Variants in TXNRD1 observed in about 807,000 individuals in gnomAD.
TXNRD1 encodes the protein thioredoxin reductase 1, also known as thioredoxin reductase 1, cytoplasmic.
Under a neutral mutation model 80.3 loss-of-function variants are expected in TXNRD1, and 57 were observed. The observed-to-expected ratio is 0.71, with a 90% CI of 0.57 to 0.89. TXNRD1 has a LOEUF of 0.89. TXNRD1 is among the 40% of genes least tolerant of loss of function. The pLI is 0.00. For missense variants in TXNRD1, 730 were observed against 803.0 expected, an observed-to-expected ratio of 0.91 and a Z score of 1.10; for synonymous variants, 291 against 285.2, an observed-to-expected ratio of 1.02 and a Z score of -0.20.
chr12:104,299,753 A>T (rs2034558240), intron 4 of TXNRD1, among the ~76,000 whole-genome samples: 1 of 147,378 alleles, frequency 6.8e-6, no homozygotes, highest in African/African-American at 2.5e-5. Flanking sequence ...GGTGACAAGA[A>T]CAAGACTCCG....
intron 4 of TXNRD1, chr12:104,291,156 A>G: frequency 1.9e-6 from 1 of 532,102 alleles, no homozygotes; most frequent in Non-Finnish European, 3.3e-6. Context: ...AAAAGAAATC[A>G]TTTAGCATAT....
chr12:104,325,002 G>C (rs1451160876), intron 10 of TXNRD1, among the ~76,000 whole-genome samples: 1 of 152,168 alleles, frequency 6.6e-6, no homozygotes, highest in Non-Finnish European at 1.5e-5. Context: ...TGAATCACAA[G>C]ATAGAAACCT....
rs374704539 is a variant in TXNRD1, at chr12:104,326,380, A to C, written c.1342A>C (p.Arg448=). ...MLAIGRDACT[R]KIGLETVGVK... is the part of the protein sequence containing the mutation. ...GGCAATAGGAAGAGATGCTTGCACAAGAAAAATTGGCTTAGAAACCGTAGG... is the reference window on the plus strand; with the variant it reads ...GGCAATAGGAAGAGATGCTTGCACACGAAAAATTGGCTTAGAAACCGTAGG... Residue 448 remains arginine, a synonymous_variant, in exon 12 of 17, where the codon AGA becomes CGA. Transcript: ENST00000525566. The C allele has an allele frequency of 3.8e-6, 6 of 1,596,508 alleles. No homozygotes were observed. Among genetic ancestry groups the C allele is most frequent in the Non-Finnish European group, 5.1e-6 (6 of 1,172,870 alleles).
chr12:104,322,606 C>T (rs1384033193), intron 10 of TXNRD1, among the ~76,000 whole-genome samples: 1 of 151,994 alleles, frequency 6.6e-6, no homozygotes, highest in African/African-American at 2.4e-5. Context: ...TCTTGAACTC[C>T]TGACCTCAAG....
chr12:104,228,458 C>A (rs1012388350), intron 1 of TXNRD1, among the ~76,000 whole-genome samples: 1 of 151,716 alleles, frequency 6.6e-6, no homozygotes, highest in Non-Finnish European at 1.5e-5. Flanking sequence ...ATGGAGAAAC[C>A]CCGTCTCTAC....
At chr12:104,238,641 G>A (rs765175343) in intron 1 of TXNRD1, among the ~76,000 whole-genome samples, 19 of 152,046 alleles carry the variant, frequency 1.2e-4, no homozygotes, top group Non-Finnish European at 1.9e-4. Flanking sequence ...TGAAATAACT[G>A]TGTGGTTTTC....
intron 1 of TXNRD1, among the ~76,000 whole-genome samples, chr12:104,219,648 C>T (rs2032304667): frequency 6.6e-6 from 1 of 152,174 alleles, no homozygotes. Context: ...TTTTAATGAG[C>T]TTGCAAACAT....
chr12:104,330,346 A>C (rs2035907432), intron 13 of TXNRD1, among the ~76,000 whole-genome samples: 1 of 152,212 alleles, frequency 6.6e-6, no homozygotes, highest in African/African-American at 2.4e-5. Flanking sequence ...ACAGCATATT[A>C]AAAGTTCTGA....
At chr12:104,262,920 A>C (rs1431906929) in intron 3 of TXNRD1, among the ~76,000 whole-genome samples, 1 of 152,108 alleles carries the variant, frequency 6.6e-6, no homozygotes, top group Non-Finnish European at 1.5e-5. Context: ...CTCACAGAAA[A>C]TCAAGAAGAG....
chr12:104,224,993 T>C, intron 1 of TXNRD1: 2 of 425,018 alleles, frequency 4.7e-6, no homozygotes, highest in South Asian at 3.3e-5. Context: ...TTCCCAGTAA[T>C]ACAGTTTTTT....
intron 3 of TXNRD1, among the ~76,000 whole-genome samples, chr12:104,272,695 G>A (rs1211800616): frequency 1.3e-5 from 2 of 152,026 alleles, no homozygotes; most frequent in Middle Eastern, 3.4e-3. Context: ...GGGAGGCTGA[G>A]GCAGGAGAAT....
chr12:104,264,280 A>G (rs575508229), intron 3 of TXNRD1, among the ~76,000 whole-genome samples: 181 of 152,318 alleles, frequency 1.2e-3, no homozygotes, highest in African/African-American at 3.9e-3. Flanking sequence ...CGGGTGGACA[A>G]AGGTAGTGGG....
intron 3 of TXNRD1, chr12:104,276,679 A>G (rs1742665711): frequency 6.6e-6 from 1 of 152,256 alleles, no homozygotes; most frequent in African/African-American, 2.4e-5. Context: ...ACTGTGCCAG[A>G]TGCCAGGGTA....
At chr12:104,278,151 A>T (rs1472487786) in intron 3 of TXNRD1, among the ~76,000 whole-genome samples, 2 of 146,778 alleles carry the variant, frequency 1.4e-5, no homozygotes, top group East Asian at 4.0e-4. Flanking sequence ...TGCTGGGATT[A>T]CAGGTGTGAG....
intron 1 of TXNRD1, among the ~76,000 whole-genome samples, chr12:104,228,682 A>G (rs933687150): frequency 6.6e-6 from 1 of 152,226 alleles, no homozygotes; most frequent in Admixed American, 6.5e-5. Flanking sequence ...TGCACAGTTT[A>G]GAGTGCAACC....
chr12:104,275,786 G>T (rs78730305), intron 3 of TXNRD1, among the ~76,000 whole-genome samples: 7,049 of 152,132 alleles, frequency 0.046, 198 homozygotes, highest in Middle Eastern at 0.12. Context: ...CCACACTGAG[G>T]TCATCATGGA....
rs187534184 is a variant in TXNRD1 at position 104,328,684 on chromosome 12, G to A, written c.1542+1013G>A. On this transcript the variant is annotated intron_variant, in intron 13 of 16. Transcript: ENST00000525566. Reference sequence around the variant, plus strand: ...TGAGGCAGGAGAATGGCCTGAACCCGGGAGGCGGAGCTTGCCGTGAGCCGA... The same window carrying A: ...TGAGGCAGGAGAATGGCCTGAACCCAGGAGGCGGAGCTTGCCGTGAGCCGA... 2.2e-4 allele frequency among the ~76,000 whole-genome samples: 33 copies of A among 150,930 alleles called. 2 individuals carry two copies. Among genetic ancestry groups the A allele is most frequent in the Admixed American group, 2.0e-3 (30 of 15,102 alleles).
rs1288258040 is a variant in TXNRD1 at position 104,251,747 on chromosome 12, A to G, written c.243+69A>G. On this transcript the variant is annotated intron_variant, in intron 2 of 16. Transcript: ENST00000525566. ...TTGACAGACTTTTGAGCTCAAATGT[A>G]AACAACTGGATTTTACCTTTAGGAA... 5.8e-6 allele frequency: 9 copies of G among 1,555,638 alleles called. No individual in the cohort carries two copies. The East Asian group carries it at 1.8e-4, about 31-fold the overall frequency.
intron 5 of TXNRD1, 108 bp downstream of exon 5, chr12:104,311,520 C>G (rs999167007): frequency 7.2e-7 from 1 of 1,394,838 alleles, no homozygotes; most frequent in African/African-American, 1.4e-5. Context: ...TGATCCACTC[C>G]TGTGACATTT....
Sources: allele counts gnomAD v4.1 joint callset (sites outside exome capture counted in the v4.1 genomes callset), GRCh38; gene constraint gnomAD v4.1.1; transcripts MANE v1.5; gene names NCBI Gene and HGNC (gene_info 2026-07-23, HGNC 2026-07-21).